BCAS3: variants seen among roughly 807,000 people sequenced by gnomAD.
BCAS3 encodes the protein BCAS4/BCAS3 fusion.
In BCAS3, 53 loss-of-function variants were observed where a neutral mutation model predicts 116.1. The ratio of observed to expected loss-of-function variants is 0.46; its 90% CI spans 0.37 to 0.57. The LOEUF (loss-of-function observed/expected upper bound fraction) is 0.57, where lower values mean the gene tolerates loss of function less well. Ranked by LOEUF, BCAS3 falls within the 20% of genes least tolerant of loss-of-function variation. BCAS3 has a pLI of 0.00. For synonymous variants in BCAS3, 391 were observed against 408.2 expected (o/e 0.96, Z 0.51); for missense variants, 917 against 1,165.4 (o/e 0.79, Z 3.10).
rs1475825950 is a variant in BCAS3 at position 61,281,015 on chromosome 17, C to T, written c.2426-87312C>T. On this transcript the variant is annotated intron_variant, in intron 22 of 23. Transcript: ENST00000407086. This position sits in a 1 kb window ranked among gnomAD's most constrained non-coding sequence, Gnocchi z 4.2. ...GGTATAAAAAGAGACCTACTCTTAT[C>T]TCCCAATCCTTGCCCAGAGGAAACA... 6.6e-6 allele frequency among the ~76,000 whole-genome samples: 1 copy of T among 152,224 alleles called. No individual in the cohort carries two copies. The highest frequency in any genetic ancestry group is 1.5e-5 in the Non-Finnish European group (1 of 68,038).
chr17:60,734,055 G>A (rs903966413), intron 5 of BCAS3, among the ~76,000 whole-genome samples: 21 of 152,040 alleles, frequency 1.4e-4, no homozygotes, highest in African/African-American at 5.1e-4. Flanking sequence ...TGCTATTGGT[G>A]TATCAAAAAA....
chr17:61,288,153 C>T (rs147841465), intron 22 of BCAS3, among the ~76,000 whole-genome samples: 239 of 152,338 alleles, frequency 1.6e-3, no homozygotes, highest in African/African-American at 5.6e-3. Flanking sequence ...CTTAACCACT[C>T]CATTAAATGA....
intron 5 of BCAS3, among the ~76,000 whole-genome samples, chr17:60,738,090 T>G (rs1294463199): frequency 6.6e-6 from 1 of 152,192 alleles, no homozygotes; most frequent in East Asian, 1.9e-4. Context: ...CAGCCTGTTC[T>G]TTTAAATTTG....
chr17:60,771,213 G>A (rs571856099), intron 6 of BCAS3, among the ~76,000 whole-genome samples: 1 of 152,128 alleles, frequency 6.6e-6, no homozygotes, highest in South Asian at 2.1e-4. Flanking sequence ...CACATCACAT[G>A]ATGTAAAAAG....
intron 10 of BCAS3, among the ~76,000 whole-genome samples, chr17:60,890,224 C>T (rs966757803): frequency 9.9e-5 from 15 of 152,120 alleles, no homozygotes; most frequent in African/African-American, 3.6e-4. Flanking sequence ...GAGGCTGAGG[C>T]AGGTGGATCA....
At chr17:60,705,988 G>C (rs1598182323) in intron 4 of BCAS3, among the ~76,000 whole-genome samples, 1 of 152,222 alleles carries the variant, frequency 6.6e-6, no homozygotes, top group Middle Eastern at 3.4e-3. Context: ...CTCTGCCTCT[G>C]TTACCCCTGA....
chr17:60,960,062 T>C lies in BCAS3; in HGVS notation c.1221+12710T>C, dbSNP rs1363480542. On this transcript the variant is annotated intron_variant, in intron 14 of 23. Transcript: ENST00000407086. The surrounding 1 kb of genome is among the most constrained non-coding windows in gnomAD (Gnocchi z 4.1). ...CTCTTAGGATTTATAACCTAATCAC[T>C]TATTTTGCCAAAGAGTAACTCTTTG... Among the ~76,000 whole-genome samples the C allele has an allele frequency of 6.6e-6, 1 of 152,198 alleles. No homozygotes were observed. The highest frequency in any genetic ancestry group is 1.5e-5 in the Non-Finnish European group (1 of 68,038).
chr17:60,743,074 C>G (rs1005238462), intron 5 of BCAS3, among the ~76,000 whole-genome samples: 3 of 148,862 alleles, frequency 2.0e-5, no homozygotes, highest in Non-Finnish European at 4.4e-5. Flanking sequence ...GATCGCGCCA[C>G]TGCACTCCAG....
intron 13 of BCAS3, among the ~76,000 whole-genome samples, chr17:60,937,264 G>A (rs1009083143): frequency 6.6e-6 from 1 of 151,490 alleles, no homozygotes; most frequent in Admixed American, 6.6e-5. Flanking sequence ...TCTGAATGGT[G>A]CGTTTTGAGT....
Position 61,132,779 on chromosome 17 carries a change from A to G in BCAS3, c.2425+48215A>G, listed in dbSNP as rs530121270. 1.3e-4 allele frequency among the ~76,000 whole-genome samples: 20 copies of G among 152,278 alleles called. 1 individual carries two copies. The South Asian group carries it at 4.1e-3, about 32-fold the overall frequency. On this transcript the variant is annotated intron_variant, in intron 22 of 23. Transcript: ENST00000407086. The surrounding 1 kb of genome is among the most constrained non-coding windows in gnomAD (Gnocchi z 5.1). ...AGTGGAAGATAGAGTCCACTCCCCT[A>G]TCCCCGTCAATGAGAAGAAGCTCCT... is the stretch of plus-strand genomic sequence containing the variant.
At chr17:61,340,012 C>T (rs1378144090) in intron 22 of BCAS3, among the ~76,000 whole-genome samples, 1 of 152,042 alleles carries the variant, frequency 6.6e-6, no homozygotes, top group Non-Finnish European at 1.5e-5. Context: ...GAAAAAGAAA[C>T]GGGGACGACA....
At chr17:60,977,053 G>A (rs923812810) in intron 14 of BCAS3, among the ~76,000 whole-genome samples, 1 of 151,774 alleles carries the variant, frequency 6.6e-6, no homozygotes, top group Non-Finnish European at 1.5e-5. Flanking sequence ...ACGGGGTGGC[G>A]GCCGGGCGGG....
Position 61,392,158 on chromosome 17 carries a change from C to T in BCAS3, c.*33C>T, listed in dbSNP as rs150891372. Reference sequence around the variant, plus strand: ...CAACCTGCTTCTGACTGGCCAGCCCCCTCCCCTGCTGGAGGAGGGGAGAAG... The same window carrying T: ...CAACCTGCTTCTGACTGGCCAGCCCTCTCCCCTGCTGGAGGAGGGGAGAAG... On this transcript the variant is annotated 3_prime_UTR_variant, in exon 24 of 24. Transcript: ENST00000407086. This position sits in a 1 kb window ranked among gnomAD's most constrained non-coding sequence, Gnocchi z 6.4. 586 of 1,603,898 alleles carry T rather than the reference C, an allele frequency of 3.7e-4. No individual in the cohort carries two copies. Among genetic ancestry groups the T allele is most frequent in the East Asian group, 2.9e-3 (131 of 44,706 alleles).
Position 61,333,701 on chromosome 17 carries a change from A to G in BCAS3, c.2426-34626A>G, listed in dbSNP as rs1321130389. 6.6e-6 allele frequency among the ~76,000 whole-genome samples: 1 copy of G among 150,746 alleles called. No homozygotes were observed. Among genetic ancestry groups the G allele is most frequent in the African/African-American group, 2.4e-5 (1 of 40,964 alleles). Reference sequence around the variant, plus strand: ...AGTGGTGCGATCTCGGCTCACTGCAACCTCTGCCTCCCAGGTTCAAGCGAT... The same window carrying G: ...AGTGGTGCGATCTCGGCTCACTGCAGCCTCTGCCTCCCAGGTTCAAGCGAT... On this transcript the variant is annotated intron_variant, in intron 22 of 23. Transcript: ENST00000407086. The surrounding 1 kb of genome is among the most constrained non-coding windows in gnomAD (Gnocchi z 4.8).
rs1259992725 is a variant in BCAS3, at chr17:61,326,456, G to A, written c.2426-41871G>A. The stretch of plus-strand genomic sequence containing the variant: ...ATGTTTTCAGCAGAGGGTGAGTTTT[G>A]AAAAGATCACTCTGACCTTACTGTG... On this transcript the variant is annotated intron_variant, in intron 22 of 23. Transcript: ENST00000407086. This position sits in a 1 kb window ranked among gnomAD's most constrained non-coding sequence, Gnocchi z 5.3. 6.6e-6 allele frequency among the ~76,000 whole-genome samples: 1 copy of A among 152,198 alleles called. No homozygotes were observed. The highest frequency in any genetic ancestry group is 1.5e-5 in the Non-Finnish European group (1 of 68,040).
intron 22 of BCAS3, among the ~76,000 whole-genome samples, chr17:61,292,413 G>A (rs1305119117): frequency 1.3e-5 from 2 of 152,172 alleles, no homozygotes; most frequent in African/African-American, 4.8e-5. Context: ...CACTTTGGGA[G>A]GCCGAGGTGG....
In BCAS3 at chr17:61,063,432, C is replaced by T. The variant is rs528390125; in HGVS notation, c.2030-11488C>T. On this transcript the variant is annotated intron_variant, in intron 19 of 23. Coordinates refer to ENST00000407086, the MANE Select transcript of BCAS3 (RefSeq NM_017679.5). The surrounding 1 kb of genome is among the most constrained non-coding windows in gnomAD (Gnocchi z 5.3). ...CTACAGGCACCTGCCACCACGCTTGCTAATTTTTTATATTTTTAGTAGAGA... is the reference window on the plus strand; with the variant it reads ...CTACAGGCACCTGCCACCACGCTTGTTAATTTTTTATATTTTTAGTAGAGA... 1.4e-4 allele frequency among the ~76,000 whole-genome samples: 21 copies of T among 151,966 alleles called. No homozygotes were observed. The highest frequency in any genetic ancestry group is 4.3e-4 in the African/African-American group (18 of 41,454).
Position 61,387,463 on chromosome 17 carries a change from T to G in BCAS3, c.2594-4514T>G, listed in dbSNP as rs527540544. On this transcript the variant is annotated intron_variant, in intron 23 of 23. Transcript: ENST00000407086. This position sits in a 1 kb window ranked among gnomAD's most constrained non-coding sequence, Gnocchi z 6.2. ...GGGCTCCATATGGAGTGGGGCAGCATGAGGATCCAGCTTGCTTTTTTTTCA... is the reference window on the plus strand; with the variant it reads ...GGGCTCCATATGGAGTGGGGCAGCAGGAGGATCCAGCTTGCTTTTTTTTCA... Among the ~76,000 whole-genome samples the G allele has an allele frequency of 6.6e-6, 1 of 152,292 alleles. No individual in the cohort carries two copies. Among genetic ancestry groups the G allele is most frequent in the Non-Finnish European group, 1.5e-5 (1 of 68,006 alleles).
At chr17:60,744,783 A>G (rs2041893322) in intron 5 of BCAS3, among the ~76,000 whole-genome samples, 1 of 151,752 alleles carries the variant, frequency 6.6e-6, no homozygotes, top group South Asian at 2.1e-4. Flanking sequence ...GTGGGGATGC[A>G]TTTTAAAATC....
Sources: gnomAD v4.1 joint callset for allele counts (sites outside exome capture counted in the v4.1 genomes callset) on GRCh38, gnomAD v4.1.1 for gene constraint, Gnocchi (gnomAD v3.1) non-coding constraint, MANE v1.5 for transcripts, NCBI Gene and HGNC (gene_info 2026-07-23, HGNC 2026-07-21) for gene names.